PKNOX2: variants seen among roughly 807,000 people sequenced by gnomAD.
PKNOX2 encodes homeobox protein PKNOX2.
PKNOX2 carries 14 observed loss-of-function variants against 53.1 expected under a neutral mutation model. That is an observed-to-expected ratio of 0.26 (90% confidence interval 0.17 to 0.41). The LOEUF (loss-of-function observed/expected upper bound fraction) is 0.41. PKNOX2 is among the 10% of genes least tolerant of loss of function. PKNOX2 has a pLI of 1.00. For missense variants in PKNOX2, 496 were observed against 602.8 expected (o/e 0.82, Z 1.85); for synonymous variants, 257 against 242.8 (o/e 1.06, Z -0.54).
intron 2 of PKNOX2, among the ~76,000 whole-genome samples, chr11:125,294,520 A>C (rs1947523004): frequency 6.6e-6 from 1 of 152,206 alleles, no homozygotes; most frequent in African/African-American, 2.4e-5. Flanking sequence ...GGCAGAGGTT[A>C]GGGGACAGGG....
chr11:125,226,604 G>A (rs1201938553), intron 1 of PKNOX2, among the ~76,000 whole-genome samples: 4 of 151,884 alleles, frequency 2.6e-5, no homozygotes, highest in African/African-American at 9.7e-5. Context: ...CACATTAGGT[G>A]CCCAAATCCT....
intron 2 of PKNOX2, among the ~76,000 whole-genome samples, chr11:125,274,056 T>G (rs1158048666): frequency 6.6e-6 from 1 of 152,164 alleles, no homozygotes; most frequent in African/African-American, 2.4e-5. Context: ...CAGGTTAGAG[T>G]TGGAGGACCT....
At chr11:125,236,529 T>TG (rs2135576474) in intron 2 of PKNOX2, among the ~76,000 whole-genome samples, 4 of 152,180 alleles carry the variant, frequency 2.6e-5, no homozygotes, top group Non-Finnish European at 1.5e-5. Context: ...GCTGAGAGCG[T>TG]GGGGGGAAAT....
At chr11:125,205,788 G>A (rs964378125) in intron 1 of PKNOX2, among the ~76,000 whole-genome samples, 5 of 152,022 alleles carry the variant, frequency 3.3e-5, no homozygotes, top group African/African-American at 1.2e-4. Flanking sequence ...TACTTAAAAA[G>A]ATGAAAATAC....
chr11:125,184,657 C>T (rs993069583), intron 1 of PKNOX2, among the ~76,000 whole-genome samples: 1 of 152,178 alleles, frequency 6.6e-6, no homozygotes, highest in African/African-American at 2.4e-5. Flanking sequence ...AGGCTGGAGC[C>T]TCTGGAACCT....
chr11:125,411,551 C>T (rs1347988366), intron 9 of PKNOX2, 195 bp from the exon 10 acceptor site: 11 of 604,934 alleles, frequency 1.8e-5, no homozygotes, highest in Non-Finnish European at 3.2e-5. Context: ...TTCTTCCCTT[C>T]TCCCATCACC....
In PKNOX2 at chr11:125,431,206, C is replaced by T. The variant is rs746006351; in HGVS notation, c.1233C>T (p.Asp411=). ...ACAACCTGCAGTCCCTGTCCTCAGA[C>T]AGTGCCACCATGGCCATGCAGCAGG... ...NLDNLQSLSS[D]SATMAMQQAM... is the part of the protein sequence containing the mutation. The change falls in exon 13 of 13, where the codon GAC becomes GAT. Residue 411 remains aspartate (D), a synonymous_variant. Coordinates refer to ENST00000298282, the MANE Select transcript of PKNOX2 (RefSeq NM_001382323.2). 1 of 1,613,704 alleles carries T rather than the reference C, an allele frequency of 6.2e-7. No homozygotes were observed. Among genetic ancestry groups the T allele is most frequent in the East Asian group, 2.2e-5 (1 of 44,888 alleles).
intron 2 of PKNOX2, among the ~76,000 whole-genome samples, chr11:125,296,452 T>C (rs1947661903): frequency 6.6e-6 from 1 of 152,142 alleles, no homozygotes; most frequent in South Asian, 2.1e-4. Context: ...TGTGCCCACA[T>C]TGGTCGCCTC....
chr11:125,389,875 G>A (rs1953925234), intron 6 of PKNOX2, among the ~76,000 whole-genome samples: 1 of 152,114 alleles, frequency 6.6e-6, no homozygotes, highest in African/African-American at 2.4e-5. Flanking sequence ...GATTACGGCT[G>A]CCTGACCGCA....
intron 2 of PKNOX2, among the ~76,000 whole-genome samples, chr11:125,278,080 G>A (rs1194268484): frequency 2.0e-5 from 3 of 152,158 alleles, no homozygotes; most frequent in African/African-American, 7.2e-5. Flanking sequence ...TTAGCCAGGT[G>A]TGGTGGCCCA....
chr11:125,278,690 C>T (rs1342282633), intron 2 of PKNOX2, among the ~76,000 whole-genome samples: 2 of 152,136 alleles, frequency 1.3e-5, no homozygotes, highest in Non-Finnish European at 2.9e-5. Flanking sequence ...GTGGACACAG[C>T]CCATCCTGGA....
At chr11:125,427,528 T>C (rs1257159680) in intron 10 of PKNOX2, among the ~76,000 whole-genome samples, 3 of 152,206 alleles carry the variant, frequency 2.0e-5, no homozygotes, top group African/African-American at 7.2e-5. Flanking sequence ...CCCCTGATAA[T>C]AAGAGTATTC....
chr11:125,390,416 T>G (rs1953974511), intron 6 of PKNOX2, among the ~76,000 whole-genome samples: 1 of 152,168 alleles, frequency 6.6e-6, no homozygotes, highest in Non-Finnish European at 1.5e-5. Flanking sequence ...CTGGGCCAGG[T>G]CTTGTTTCTC....
chr11:125,341,021 GC>G (rs1180561696), intron 3 of PKNOX2, among the ~76,000 whole-genome samples: 1 of 132,684 alleles, frequency 7.5e-6, no homozygotes. Flanking sequence ...CTGCACTCCA[GC>G]CTGGGTGACA....
At chr11:125,215,299 A>G (rs2135469247) in intron 1 of PKNOX2, among the ~76,000 whole-genome samples, 1 of 152,228 alleles carries the variant, frequency 6.6e-6, no homozygotes, top group African/African-American at 2.4e-5. Flanking sequence ...GAGAGGGCTC[A>G]GGACTGTGAG....
chr11:125,173,914 G>A (rs913910424), intron 1 of PKNOX2, among the ~76,000 whole-genome samples: 1 of 152,190 alleles, frequency 6.6e-6, no homozygotes, highest in Admixed American at 6.5e-5. Flanking sequence ...GGTAAGGGGA[G>A]GGCACAGGCT....
intron 2 of PKNOX2, among the ~76,000 whole-genome samples, chr11:125,298,260 G>C (rs1456377743): frequency 6.6e-6 from 1 of 152,162 alleles, no homozygotes. Flanking sequence ...TCTTAAAGCT[G>C]GGCACTGGGA....
At chr11:125,404,816 A>C (rs765665239) in intron 7 of PKNOX2, among the ~76,000 whole-genome samples, 16 of 152,214 alleles carry the variant, frequency 1.1e-4, no homozygotes, top group Admixed American at 3.3e-4. Flanking sequence ...CGACGCCTGC[A>C]TTAGAGAGAA....
At chr11:125,181,048 G>A (rs1289786597) in intron 1 of PKNOX2, among the ~76,000 whole-genome samples, 1 of 152,150 alleles carries the variant, frequency 6.6e-6, no homozygotes, top group African/African-American at 2.4e-5. Context: ...AATAATGCTA[G>A]CAAACATTAA....
Sources: gnomAD v4.1 joint callset for allele counts (sites outside exome capture counted in the v4.1 genomes callset) on GRCh38, gnomAD v4.1.1 for gene constraint, MANE v1.5 for transcripts, NCBI Gene and HGNC (gene_info 2026-07-23, HGNC 2026-07-21) for gene names.